Variants in BCAS3 observed in about 807,000 individuals in gnomAD.
BCAS3 encodes the protein BCAS3 microtubule associated cell migration factor, also known as BCAS4/BCAS3 fusion.
Under a neutral mutation model 116.1 loss-of-function variants are expected in BCAS3, and 53 were observed. The observed-to-expected ratio is 0.46, with a 90% CI of 0.37 to 0.57. The LOEUF is 0.57. BCAS3 is among the 20% of genes least tolerant of loss of function. The pLI, the probability that BCAS3 is intolerant of heterozygous loss-of-function variation, is 0.00. For synonymous variants in BCAS3, 391 were observed against 408.2 expected (o/e 0.96, Z 0.51); for missense variants, 917 against 1,165.4 (o/e 0.79, Z 3.10).
chr17:60,748,976 A>T (rs1488761610), intron 6 of BCAS3: 2 of 152,218 alleles, frequency 1.3e-5, no homozygotes, highest in Admixed American at 6.5e-5. Flanking sequence ...GAAGGGGGGA[A>T]AAAGTAGAAC....
Position 60,713,755 on chromosome 17 carries a change from G to T in BCAS3, c.321+4430G>T, listed in dbSNP as rs544364281. ...TTATGTAAAGGACTTGAGCATGATG[G>T]ACTTTGGTATTCATGGGTGGTTTGT... On this transcript the variant is annotated intron_variant, in intron 5 of 23. Coordinates refer to ENST00000407086, the MANE Select transcript of BCAS3 (RefSeq NM_017679.5). Among the ~76,000 whole-genome samples the T allele has an allele frequency of 3.9e-5, 6 of 152,338 alleles. No individual in the cohort carries two copies. In the South Asian group the frequency reaches 1.2e-3, roughly 32 times the overall value.
intron 21 of BCAS3, among the ~76,000 whole-genome samples, chr17:61,079,788 G>T (rs1006266936): frequency 6.6e-6 from 1 of 151,126 alleles, no homozygotes; most frequent in African/African-American, 2.4e-5. Flanking sequence ...TAGAGACGGG[G>T]TTTCAACATT....
intron 6 of BCAS3, among the ~76,000 whole-genome samples, chr17:60,781,207 T>C (rs1213976186): frequency 1.3e-5 from 2 of 151,884 alleles, no homozygotes; most frequent in Non-Finnish European, 2.9e-5. Flanking sequence ...TGACCTCAAG[T>C]GATCCCCCCG....
intron 17 of BCAS3, among the ~76,000 whole-genome samples, chr17:61,036,907 T>C (rs1354372061): frequency 6.6e-6 from 1 of 152,308 alleles, no homozygotes; most frequent in East Asian, 1.9e-4. Context: ...GTGTGTTGAA[T>C]AGACTTTATT....
intron 15 of BCAS3, among the ~76,000 whole-genome samples, chr17:61,005,443 GA>G: frequency 6.6e-6 from 1 of 152,140 alleles, no homozygotes; most frequent in South Asian, 2.1e-4. Context: ...TATGTGAATA[GA>G]AAAGGTTTTA....
At chr17:60,859,730 A>C (rs2054000594) in intron 7 of BCAS3, among the ~76,000 whole-genome samples, 1 of 151,878 alleles carries the variant, frequency 6.6e-6, no homozygotes, top group Non-Finnish European at 1.5e-5. Context: ...GACCACGCCC[A>C]GCTAATTTTT....
At chr17:61,304,025 A>G (rs565396191) in intron 22 of BCAS3, among the ~76,000 whole-genome samples, 1 of 152,288 alleles carries the variant, frequency 6.6e-6, no homozygotes, top group South Asian at 2.1e-4. Context: ...CACCCTATCA[A>G]CAAAACTAGA....
At position 61,323,249 on chromosome 17, in the gene BCAS3, C is replaced by T. The variant is rs1417283121; in HGVS notation, c.2426-45078C>T. Among the ~76,000 whole-genome samples the T allele has an allele frequency of 6.6e-6, 1 of 152,096 alleles. No homozygotes were observed. Among genetic ancestry groups the T allele is most frequent in the Non-Finnish European group, 1.5e-5 (1 of 68,024 alleles). On this transcript the variant is annotated intron_variant, in intron 22 of 23. Transcript: ENST00000407086. This position sits in a 1 kb window ranked among gnomAD's most constrained non-coding sequence, Gnocchi z 4.6. ...ACTTTTGTCTAGAGCCCAAACTTCC[C>T]CAGGGGGAAGGACTCATTTATAACC...
At chr17:60,862,297 C>CA (rs2054224359) in intron 7 of BCAS3, among the ~76,000 whole-genome samples, 1 of 151,966 alleles carries the variant, frequency 6.6e-6, no homozygotes, top group Non-Finnish European at 1.5e-5. Context: ...AACAAACAAA[C>CA]AAAAAACAGA....
At chr17:61,058,807 C>A (rs1283670548) in intron 19 of BCAS3, among the ~76,000 whole-genome samples, 1 of 152,040 alleles carries the variant, frequency 6.6e-6, no homozygotes, top group Non-Finnish European at 1.5e-5. Flanking sequence ...ATTGAATAGA[C>A]AAACAACAGA....
At chr17:60,903,275 A>C (rs1444686909) in intron 11 of BCAS3, among the ~76,000 whole-genome samples, 4 of 152,262 alleles carry the variant, frequency 2.6e-5, no homozygotes, top group African/African-American at 9.6e-5. Context: ...CCATTCAGAA[A>C]AGAACAACAG....
chr17:60,710,835 C>T (rs1178301592), intron 5 of BCAS3, among the ~76,000 whole-genome samples: 7 of 149,156 alleles, frequency 4.7e-5, no homozygotes, highest in African/African-American at 1.7e-4. Flanking sequence ...CAGGGTCTCA[C>T]TTTGTCACCC....
chr17:61,247,989 C>T (rs2048106608), intron 22 of BCAS3, among the ~76,000 whole-genome samples: 1 of 152,192 alleles, frequency 6.6e-6, no homozygotes, highest in Admixed American at 6.5e-5. Flanking sequence ...GAACTTTGTT[C>T]CTACCAGTTG....
Position 60,891,003 on chromosome 17 carries a change from A to C in BCAS3, c.738+1232A>C, listed in dbSNP as rs1452752726. Reference sequence around the variant, plus strand: ...ATCTTATCCATAAATCTGTCTAACTACTAGATATGTTACATCTTCCTGAAT... The same window carrying C: ...ATCTTATCCATAAATCTGTCTAACTCCTAGATATGTTACATCTTCCTGAAT... On this transcript the variant is annotated intron_variant, in intron 10 of 23. Coordinates refer to ENST00000407086, the MANE Select transcript of BCAS3 (RefSeq NM_017679.5). Among the ~76,000 whole-genome samples, 3 of 152,218 alleles carry C rather than the reference A, an allele frequency of 2.0e-5. No homozygotes were observed. In the East Asian group the frequency reaches 5.8e-4, roughly 29 times the overall value.
intron 22 of BCAS3, among the ~76,000 whole-genome samples, chr17:61,255,728 G>C (rs1206634171): frequency 2.0e-5 from 3 of 152,172 alleles, no homozygotes; most frequent in East Asian, 3.9e-4. Context: ...ACACTGTGCA[G>C]GGTTTTAGTG....
chr17:61,054,925 T>A (rs568565259), intron 19 of BCAS3, among the ~76,000 whole-genome samples: 2 of 152,190 alleles, frequency 1.3e-5, no homozygotes, highest in African/African-American at 4.8e-5. Flanking sequence ...TTCTGATAGA[T>A]TAAAGAAAAA....
In BCAS3 at chr17:60,795,036, C is replaced by T. The variant is rs928930122; in HGVS notation, c.404-12968C>T. ...AATATTGATTCTACCCATCTGCGAG[C>T]GTGAGCATGGGATATGTCTCCATTT... is the stretch of plus-strand genomic sequence containing the variant. On this transcript the variant is annotated intron_variant, in intron 6 of 23. Transcript: ENST00000407086. Among the ~76,000 whole-genome samples the T allele has an allele frequency of 3.9e-5, 6 of 152,124 alleles. No homozygotes were observed. In the East Asian group the frequency reaches 7.7e-4, roughly 20 times the overall value.
chr17:61,097,220 C>T lies in BCAS3; in HGVS notation c.2425+12656C>T, dbSNP rs2074034025. The stretch of plus-strand genomic sequence containing the variant: ...TTGAGACTGAGTCTCGCTCTGTCAC[C>T]CAGGCTGGAGTGCAGTGGCGCAATC... On this transcript the variant is annotated intron_variant, in intron 22 of 23. Transcript: ENST00000407086. The surrounding 1 kb of genome is among the most constrained non-coding windows in gnomAD (Gnocchi z 4.0). Among the ~76,000 whole-genome samples, 1 of 151,988 alleles carries T rather than the reference C, an allele frequency of 6.6e-6. No individual in the cohort carries two copies. Among genetic ancestry groups the T allele is most frequent in the Non-Finnish European group, 1.5e-5 (1 of 68,010 alleles).
In BCAS3 at chr17:61,344,710, TG is replaced by T. The variant is rs1169760497; in HGVS notation, c.2426-23613del. Among the ~76,000 whole-genome samples, 1 of 152,004 alleles carries T rather than the reference TG, an allele frequency of 6.6e-6. No individual in the cohort carries two copies. The highest frequency in any genetic ancestry group is 1.5e-5 in the Non-Finnish European group (1 of 67,990). ...GAGCAAGGCGAAGATGTAAAGGCCC[TG>T]GGGTGAAAGGAAGGAGGTTGTTGGA... On this transcript the variant is annotated intron_variant, in intron 22 of 23. Transcript: ENST00000407086. The surrounding 1 kb of genome is among the most constrained non-coding windows in gnomAD (Gnocchi z 4.1).
Sources: gnomAD v4.1 joint callset for allele counts (sites outside exome capture counted in the v4.1 genomes callset) on GRCh38, gnomAD v4.1.1 for gene constraint, Gnocchi (gnomAD v3.1) non-coding constraint, MANE v1.5 for transcripts, NCBI Gene and HGNC (gene_info 2026-07-23, HGNC 2026-07-21) for gene names.